The following PRCD variants were observed in gnomAD, a reference collection of about 807,000 sequenced individuals.
PRCD encodes the protein photoreceptor disc component, also known as photoreceptor disk component PRCD.
A neutral mutation model predicts 10.1 loss-of-function variants in PRCD; 12 were observed. That is an observed-to-expected ratio of 1.18 (90% CI 0.76 to 1.92). The LOEUF (loss-of-function observed/expected upper bound fraction) is 1.92, where lower values mean the gene tolerates loss of function less well. Among genes scored for constraint, PRCD ranks in the 40% most tolerant of loss-of-function variants. The pLI is 0.00. For missense variants in PRCD, 61 were observed against 72.2 expected (o/e 0.84, Z 0.56); for synonymous variants, 31 against 26.2 (o/e 1.18, Z -0.56).
Position 76,544,966 on chromosome 17 carries a change from A to C in PRCD, c.*1316A>C, listed in dbSNP as rs1380651233. ...GGGATCCATCCAGAGGAAGGGCGGG[A>C]AAAAGAGAGGAAGGGGCTGCTGGCG... is the stretch of plus-strand genomic sequence containing the variant. On this transcript the variant is annotated 3_prime_UTR_variant, in exon 5 of 5. Coordinates refer to ENST00000592014, the MANE Select transcript of PRCD (RefSeq NM_001077620.3). 2.2e-6 allele frequency: 1 copy of C among 456,510 alleles called. No homozygotes were observed. The highest frequency in any genetic ancestry group is 2.3e-5 in the Admixed American group (1 of 42,562). 28.3% of individuals were successfully genotyped at this position (456,510 alleles called of 1,614,324 possible).
At chr17:76,537,636 C>G (rs1260046112), upstream of PRCD, 4 of 969,252 alleles carry the variant, frequency 4.1e-6, no homozygotes, top group East Asian at 4.7e-4. Flanking sequence ...GGGCCGGCTG[C>G]GTGCGCGGCG....
At position 76,531,440 on chromosome 17, in the gene PRCD, C is replaced by T. The variant is rs752535991; in HGVS notation, n.45+3607C>T. 1 of 1,594,908 alleles carries T rather than the reference C, an allele frequency of 6.3e-7. No individual in the cohort carries two copies. Among genetic ancestry groups the T allele is most frequent in the Non-Finnish European group, 8.6e-7 (1 of 1,164,230 alleles). On this transcript the variant is annotated intron_variant and non_coding_transcript_variant, in intron 1 of 4. Transcript: ENST00000397633. The surrounding 1 kb of genome is among the most constrained non-coding windows in gnomAD (Gnocchi z 7.4). ...TGACGCGTGGGCGGTGGGGGCTCTG[C>T]AGCAGATGGGGGCGCATACCTTGAA...
At chr17:76,539,531 C>A (rs1023080179), upstream of PRCD, among the ~76,000 whole-genome samples, 4 of 152,222 alleles carry the variant, frequency 2.6e-5, no homozygotes, top group African/African-American at 9.6e-5. Context: ...TCTCCCGTCT[C>A]TCTGGCTTCA....
intron 2 of PRCD, among the ~76,000 whole-genome samples, chr17:76,541,605 G>A (rs1420806747): frequency 6.6e-6 from 1 of 152,214 alleles, no homozygotes; most frequent in Non-Finnish European, 1.5e-5. Context: ...CCCTGGGCCT[G>A]TACAGGAAGC....
rs532125244 is a variant in PRCD, at chr17:76,540,697, C to G, written c.143+124C>G. 2.0e-5 allele frequency: 19 copies of G among 935,406 alleles called. No homozygotes were observed. The highest frequency in any genetic ancestry group is 2.9e-5 in the Non-Finnish European group (17 of 589,098). 57.9% of individuals were successfully genotyped at this position (935,406 alleles called of 1,614,324 possible). A position where few individuals can be genotyped will look rare whatever the true frequency, so the allele number is the denominator to read the frequency against. On this transcript the variant is annotated intron_variant, in intron 2 of 4. Transcript: ENST00000592014. This position sits in a 1 kb window ranked among gnomAD's most constrained non-coding sequence, Gnocchi z 5.0. ...CGTGCACCGTATCCTGGCCCTTGCC[C>G]TAAGCACCCTGCTCCCTGTCCGCCT...
chr17:76,535,854 G>C (rs1398123670), upstream of PRCD, among the ~76,000 whole-genome samples: 2 of 152,180 alleles, frequency 1.3e-5, no homozygotes, highest in African/African-American at 4.8e-5. Flanking sequence ...ATCCGCACAG[G>C]TACCTGGCAG....
At chr17:76,537,345 C>T, upstream of PRCD, 5 of 1,512,808 alleles carry the variant, frequency 3.3e-6, no homozygotes, top group Admixed American at 2.1e-5. Context: ...CTCCTCTGCC[C>T]GGAGCCGCTG....
At chr17:76,549,641 A>AT (rs998683137), downstream of PRCD, among the ~76,000 whole-genome samples, 1 of 152,256 alleles carries the variant, frequency 6.6e-6, no homozygotes, top group African/African-American at 2.4e-5. Flanking sequence ...TGGCAGCTTT[A>AT]TTACTAACAG....
chr17:76,542,507 A>G (rs536465154), intron 2 of PRCD, 46 bp from the exon 3 acceptor site: 3 of 1,612,412 alleles, frequency 1.9e-6, no homozygotes, highest in Admixed American at 3.3e-5. Context: ...GAAACATGGG[A>G]AGGTCGTGCC....
chr17:76,541,547 G>A (rs547617078), intron 2 of PRCD, among the ~76,000 whole-genome samples: 1 of 152,246 alleles, frequency 6.6e-6, no homozygotes, highest in African/African-American at 2.4e-5. Context: ...TCTGAGTCCT[G>A]GGATTCTGAG....
rs201090759 is a variant in PRCD, at chr17:76,540,236, T to G, written c.74+21T>G. 5 of 500,706 alleles carry G rather than the reference T, an allele frequency of 1.0e-5. No individual in the cohort carries two copies. The highest frequency in any genetic ancestry group is 3.7e-5 in the African/African-American group (1 of 27,128). 31.0% of individuals were successfully genotyped at this position (500,706 alleles called of 1,614,324 possible). A position where few individuals can be genotyped will look rare whatever the true frequency, so the allele number is the denominator to read the frequency against. Reference sequence around the variant, plus strand: ...CAACCGTGAGAAACTGACCGGGCTATGGCTGGCGGTTGGTCGGGGGGGGGG... The same window carrying G: ...CAACCGTGAGAAACTGACCGGGCTAGGGCTGGCGGTTGGTCGGGGGGGGGG... On this transcript the variant is annotated intron_variant, in intron 1 of 4. Coordinates refer to ENST00000592014, the MANE Select transcript of PRCD (RefSeq NM_001077620.3). The surrounding 1 kb of genome is among the most constrained non-coding windows in gnomAD (Gnocchi z 5.0).
chr17:76,531,112 C>A lies in PRCD; in HGVS notation n.45+3279C>A. 1 of 1,613,782 alleles carries A rather than the reference C, an allele frequency of 6.2e-7. No individual in the cohort carries two copies. Among genetic ancestry groups the A allele is most frequent in the Non-Finnish European group, 8.5e-7 (1 of 1,179,874 alleles). ...GGGAAGTCACTGGCAAATTCCTCGG[C>A]GACCACCTCCAGAATGACCCCAGAG... On this transcript the variant is annotated intron_variant and non_coding_transcript_variant, in intron 1 of 4. Coordinates refer to the PRCD transcript ENST00000397633. The surrounding 1 kb of genome is among the most constrained non-coding windows in gnomAD (Gnocchi z 7.4).
At chr17:76,542,698 G>A in intron 3 of PRCD, 65 bp downstream of exon 3, 1 of 1,013,660 alleles carries the variant, frequency 9.9e-7, no homozygotes, top group Non-Finnish European at 1.6e-6. Context: ...GAAGCAACAG[G>A]CAAGTCCCGG....
Position 76,528,771 on chromosome 17 carries a change from G to T in PRCD, n.45+938G>T. On this transcript the variant is annotated intron_variant and non_coding_transcript_variant, in intron 1 of 4. Transcript: ENST00000397633. This position sits in a 1 kb window ranked among gnomAD's most constrained non-coding sequence, Gnocchi z 5.8. The stretch of plus-strand genomic sequence containing the variant: ...CCGTGAGACCCAAGTTCTAGTCTCC[G>T]TCCTGCTACGAACGTGCTGTGTGAT... 1 of 999,310 alleles carries T rather than the reference G, an allele frequency of 1.0e-6. No homozygotes were observed. Among genetic ancestry groups the T allele is most frequent in the Non-Finnish European group, 1.3e-6 (1 of 768,962 alleles). 61.9% of individuals were successfully genotyped at this position (999,310 alleles called of 1,614,324 possible).
At chr17:76,551,443 C>T (rs1404810008) in intron 1 of PRCD, 1 of 152,196 alleles carries the variant, frequency 6.6e-6, no homozygotes, top group Non-Finnish European at 1.5e-5. Context: ...TTTTCCTGTA[C>T]ACTGTTGGCA....
In PRCD at chr17:76,540,685, C is replaced by A; in HGVS notation, c.143+112C>A. The A allele has an allele frequency of 9.3e-7, 1 of 1,070,552 alleles. No homozygotes were observed. The highest frequency in any genetic ancestry group is 1.4e-6 in the Non-Finnish European group (1 of 707,554). 66.3% of individuals were successfully genotyped at this position (1,070,552 alleles called of 1,614,324 possible). Reference sequence around the variant, plus strand: ...TGCGCGCCTGTGCGTGCACCGTATCCTGGCCCTTGCCCTAAGCACCCTGCT... The same window carrying A: ...TGCGCGCCTGTGCGTGCACCGTATCATGGCCCTTGCCCTAAGCACCCTGCT... On this transcript the variant is annotated intron_variant, in intron 2 of 4. Coordinates refer to ENST00000592014, the MANE Select transcript of PRCD (RefSeq NM_001077620.3). The surrounding 1 kb of genome is among the most constrained non-coding windows in gnomAD (Gnocchi z 5.0).
downstream of PRCD, chr17:76,547,501 C>T (rs559712252): frequency 6.6e-6 from 1 of 152,404 alleles, no homozygotes; most frequent in African/African-American, 2.4e-5. Flanking sequence ...CACAGACCCT[C>T]TCTGTGTGAC....
downstream of PRCD, chr17:76,545,747 G>GCTTA (rs1166725356): frequency 4.3e-5 from 10 of 235,054 alleles, no homozygotes; most frequent in Non-Finnish European, 7.7e-5. Flanking sequence ...TGTGGAAGAT[G>GCTTA]CTTAGCATGT....
At position 76,530,831 on chromosome 17, in the gene PRCD, T is replaced by A; in HGVS notation, n.45+2998T>A. ...TGAAGGCCTTTCCTATTATGCCTGT[T>A]CTTACATGTCAGACCCCAGGGTTGG... On this transcript the variant is annotated intron_variant and non_coding_transcript_variant, in intron 1 of 4. Transcript: ENST00000397633. The surrounding 1 kb of genome is among the most constrained non-coding windows in gnomAD (Gnocchi z 6.1). The A allele has an allele frequency of 1.2e-6, 1 of 815,008 alleles. No homozygotes were observed. The highest frequency in any genetic ancestry group is 1.9e-6 in the Non-Finnish European group (1 of 537,692). The allele number at this position is 815,008 out of a possible 1,614,324, so 50.5% of individuals were successfully genotyped here.
Sources: gnomAD v4.1 joint callset for allele counts (sites outside exome capture counted in the v4.1 genomes callset) on GRCh38, gnomAD v4.1.1 for gene constraint, Gnocchi (gnomAD v3.1) non-coding constraint, MANE v1.5 for transcripts, NCBI Gene and HGNC (gene_info 2026-07-23, HGNC 2026-07-21) for gene names.